The following MRPS24 variants were observed in gnomAD, a reference collection of about 807,000 sequenced individuals.
MRPS24 encodes the protein small ribosomal subunit protein uS3m.
MRPS24 carries 15 observed loss-of-function variants against 21.8 expected under a neutral mutation model. That is an observed-to-expected ratio of 0.69 (90% CI 0.46 to 1.06). MRPS24 has a LOEUF of 1.06. Ranked by LOEUF, MRPS24 falls within the 50% of genes least tolerant of loss-of-function variation. MRPS24 has a pLI of 0.00. For missense variants in MRPS24, 224 were observed against 219.1 expected (o/e 1.02, Z -0.14); for synonymous variants, 93 against 93.7 (o/e 0.99, Z 0.04).
Position 43,869,441 on chromosome 7 carries a change from G to A in MRPS24, c.39+16C>T. On this transcript the variant is annotated intron_variant, in intron 1 of 3. Coordinates refer to ENST00000317534, the MANE Select transcript of MRPS24 (RefSeq NM_032014.3). This position sits in a 1 kb window ranked among gnomAD's most constrained non-coding sequence, Gnocchi z 4.8. ...CACCTCCGACTCGCAGGGACCTGCC[G>A]AGTCGCCCCACTCACCCGTGGCCCC... 6.4e-7 allele frequency: 1 copy of A among 1,558,522 alleles called. No individual in the cohort carries two copies. The highest frequency in any genetic ancestry group is 8.7e-7 in the Non-Finnish European group (1 of 1,152,068).
In MRPS24 at chr7:43,869,030, C is replaced by A; in HGVS notation, c.153G>T (p.Val51=). ...RVRVSKGDKP[V]TYEEAHAPHY... is the part of the protein sequence containing the mutation. ...GCGGCGCGTGTGCCTCCTCGTAGGT[C>A]ACCGGCTTGTCCCCCTTGCTTACGC... Residue 51 remains valine, a synonymous_variant, in exon 3 of 4, where the codon GTG becomes GTT. Transcript: ENST00000317534. This position sits in a 1 kb window ranked among gnomAD's most constrained non-coding sequence, Gnocchi z 4.8. The A allele has an allele frequency of 6.2e-7, 1 of 1,613,992 alleles. No individual in the cohort carries two copies. Among genetic ancestry groups the A allele is most frequent in the Non-Finnish European group, 8.5e-7 (1 of 1,180,024 alleles).
chr7:43,869,482 A>G lies in MRPS24; in HGVS notation c.14T>C (p.Val5Ala), dbSNP rs569584505. The G allele has an allele frequency of 1.3e-5, 20 of 1,570,048 alleles. No homozygotes were observed. Among genetic ancestry groups the G allele is most frequent in the Middle Eastern group, 3.4e-4 (2 of 5,912 alleles). MAAS[V>A]CSGLLGPRVL... ...CCGTGGCCCCAGCAACCCGCTGCAC[A>G]CGGAGGCCGCCATCTTGGGCCAAGC... The change falls in exon 1 of 4, where the codon GTG becomes GCG. Residue 5 changes from valine to alanine, a missense_variant. Coordinates refer to ENST00000317534, the MANE Select transcript of MRPS24 (RefSeq NM_032014.3). This position sits in a 1 kb window ranked among gnomAD's most constrained non-coding sequence, Gnocchi z 4.8.
chr7:43,869,313 C>A lies in MRPS24; in HGVS notation c.103G>T (p.Ala35Ser), dbSNP rs1390606258. Reference sequence around the variant, plus strand: ...CCTGCCCCGGCGGTGCTCACCTTGGCGCAGACCGGGGAGGTGTGCAGGGCG... The same window carrying A: ...CCTGCCCCGGCGGTGCTCACCTTGGAGCAGACCGGGGAGGTGTGCAGGGCG... ...WRALHTSPVC[A>S]KNRAARVRVS... Residue 35 changes from alanine (A) to serine (S), a missense_variant, in exon 2 of 4, where the codon GCC (alanine) becomes TCC (serine). Coordinates refer to ENST00000317534, the MANE Select transcript of MRPS24 (RefSeq NM_032014.3). The surrounding 1 kb of genome is among the most constrained non-coding windows in gnomAD (Gnocchi z 4.8). 6.5e-7 allele frequency: 1 copy of A among 1,528,106 alleles called. No homozygotes were observed. Among genetic ancestry groups the A allele is most frequent in the South Asian group, 1.2e-5 (1 of 83,824 alleles). The allele number at this position is 1,528,106 out of a possible 1,614,324, so 94.7% of individuals were successfully genotyped here.
intron 3 of MRPS24, chr7:43,867,520 CTTTTT>C (rs71011958): frequency 8.8e-5 from 3 of 34,134 alleles, no homozygotes; most frequent in Admixed American, 4.0e-4. Flanking sequence ...ATCTCTCTCT[CTTTTT>C]TTTTTTTTTT....
intron 3 of MRPS24, 156 bp downstream of exon 3, chr7:43,868,807 T>C (rs990596992): frequency 2.3e-5 from 23 of 982,974 alleles, no homozygotes; most frequent in Non-Finnish European, 3.2e-5. Context: ...CTGATCTATA[T>C]ATATCTCTGC....
rs1320320815 is a variant in MRPS24 at position 43,867,518 on chromosome 7, CTCTTTT to C, written c.221-542_221-537del. On this transcript the variant is annotated intron_variant, in intron 3 of 3. Transcript: ENST00000317534. ...AAGAGTGGGAGACAAGCATCTCTCT[CTCTTTT>C]TTTTTTTTTTTTTTTTTTTTTTTGA... 6.2e-4 allele frequency: 56 copies of C among 90,760 alleles called. 2 individuals carry two copies. Among genetic ancestry groups the C allele is most frequent in the African/African-American group, 2.0e-3 (47 of 23,970 alleles). The allele number at this position is 90,760 out of a possible 1,614,324, so 5.6% of individuals were successfully genotyped here.
In MRPS24 at chr7:43,869,335, G is replaced by T; in HGVS notation, c.81C>A (p.Ala27=). The T allele has an allele frequency of 6.5e-7, 1 of 1,547,898 alleles. No homozygotes were observed. The highest frequency in any genetic ancestry group is 8.7e-7 in the Non-Finnish European group (1 of 1,146,632). ...TGGCGCAGACCGGGGAGGTGTGCAG[G>T]GCGCGCCAAGCGCAAGGCAGCTCTC... ...WSRELPCAWR[A]LHTSPVCAKN... The change falls in exon 2 of 4, where the codon GCC becomes GCA. Residue 27 remains alanine (A), a synonymous_variant. Transcript: ENST00000317534. The surrounding 1 kb of genome is among the most constrained non-coding windows in gnomAD (Gnocchi z 4.8).
rs1008117864 is a variant in MRPS24 at position 43,869,459 on chromosome 7, G to A, written c.37C>T (p.Arg13Trp). The A allele has an allele frequency of 3.2e-6, 5 of 1,565,518 alleles. No individual in the cohort carries two copies. The highest frequency in any genetic ancestry group is 2.7e-5 in the African/African-American group (2 of 73,736). ...ASVCSGLLGP[R>W]VLSWSRELPC... ...ACCTGCCGAGTCGCCCCACTCACCC[G>A]TGGCCCCAGCAACCCGCTGCACACG... The change falls in exon 1 of 4, where the codon CGG becomes TGG. Residue 13 changes from arginine to tryptophan, a missense_variant and splice_region_variant. By Grantham distance (101) the Arg-to-Trp change is moderately radical. Coordinates refer to ENST00000317534, the MANE Select transcript of MRPS24 (RefSeq NM_032014.3). The surrounding 1 kb of genome is among the most constrained non-coding windows in gnomAD (Gnocchi z 4.8).
chr7:43,866,611 T>C lies in MRPS24; in HGVS notation c.*88A>G. The C allele has an allele frequency of 2.1e-6, 3 of 1,447,046 alleles. No individual in the cohort carries two copies. Among genetic ancestry groups the C allele is most frequent in the Non-Finnish European group, 2.9e-6 (3 of 1,048,236 alleles). 89.6% of individuals were successfully genotyped at this position (1,447,046 alleles called of 1,614,324 possible). A position where few individuals can be genotyped will look rare whatever the true frequency, so the allele number is the denominator to read the frequency against. On this transcript the variant is annotated 3_prime_UTR_variant, in exon 4 of 4. Coordinates refer to ENST00000317534, the MANE Select transcript of MRPS24 (RefSeq NM_032014.3). ...GATGAGAGACTATGCCTCAGTCCTC[T>C]GAGGGGATGCATTTCCCCCACATAC... is the stretch of plus-strand genomic sequence containing the variant.
rs2095838860 is a variant in MRPS24, at chr7:43,869,244, G to C, written c.108+64C>G. 1 of 1,485,108 alleles carries C rather than the reference G, an allele frequency of 6.7e-7. No individual in the cohort carries two copies. 92.0% of individuals were successfully genotyped at this position (1,485,108 alleles called of 1,614,324 possible). A position where few individuals can be genotyped will look rare whatever the true frequency, so the allele number is the denominator to read the frequency against. The stretch of plus-strand genomic sequence containing the variant: ...GCGACACGCCCCCTTCAGCCCGCAC[G>C]GCTTCCCCGGCCCCCGGCCCCCCGG... On this transcript the variant is annotated intron_variant, in intron 2 of 3. Transcript: ENST00000317534. This position sits in a 1 kb window ranked among gnomAD's most constrained non-coding sequence, Gnocchi z 4.8.
rs1563572059 is a variant in MRPS24 at position 43,868,996 on chromosome 7, C to CGATGTAGTG, written c.178_186dup (p.His60_Ile62dup). 1 of 1,614,022 alleles carries CGATGTAGTG rather than the reference C, an allele frequency of 6.2e-7. No individual in the cohort carries two copies. Among genetic ancestry groups the CGATGTAGTG allele is most frequent in the Non-Finnish European group, 8.5e-7 (1 of 1,180,008 alleles). ...AGCGACAGCCAGCCTTTACGGTGGGCGATGTAGTGCGGCGCGTGTGCCTCC... is the reference window on the plus strand; with the variant it reads ...AGCGACAGCCAGCCTTTACGGTGGGCGATGTAGTGGATGTAGTGCGGCGCGTGTGCCTCC... On this transcript the variant is annotated inframe_insertion, in exon 3 of 4. Transcript: ENST00000317534.
At position 43,869,289 on chromosome 7, in the gene MRPS24, C is replaced by T. The variant is rs1324325910; in HGVS notation, c.108+19G>A. On this transcript the variant is annotated intron_variant, in intron 2 of 3. Coordinates refer to ENST00000317534, the MANE Select transcript of MRPS24 (RefSeq NM_032014.3). The surrounding 1 kb of genome is among the most constrained non-coding windows in gnomAD (Gnocchi z 4.8). Reference sequence around the variant, plus strand: ...CCCCGGCCCCCAGGCCCCCAGGCCCCTGCCCCGGCGGTGCTCACCTTGGCG... The same window carrying T: ...CCCCGGCCCCCAGGCCCCCAGGCCCTTGCCCCGGCGGTGCTCACCTTGGCG... The T allele has an allele frequency of 9.1e-6, 14 of 1,533,790 alleles. No homozygotes were observed. Among genetic ancestry groups the T allele is most frequent in the South Asian group, 2.4e-5 (2 of 83,440 alleles).
chr7:43,869,066 C>G lies in MRPS24; in HGVS notation c.117G>C (p.Ala39=). 6.2e-7 allele frequency: 1 copy of G among 1,612,464 alleles called. No homozygotes were observed. The highest frequency in any genetic ancestry group is 8.5e-7 in the Non-Finnish European group (1 of 1,179,956). The change falls in exon 3 of 4, where the codon GCG becomes GCC. Residue 39 remains alanine (A), a synonymous_variant. Transcript: ENST00000317534. This position sits in a 1 kb window ranked among gnomAD's most constrained non-coding sequence, Gnocchi z 4.8. ...CCCCCTTGCTTACGCGTACTCGGGC[C>G]GCCCGGTTCTAGGAGCAAAAGGGGC... The part of the protein sequence containing the change: ...HTSPVCAKNR[A]ARVRVSKGDK...
Position 43,866,913 on chromosome 7 carries a change from C to T in MRPS24, c.290G>A (p.Trp97Ter). The T allele has an allele frequency of 6.2e-7, 1 of 1,614,200 alleles. No individual in the cohort carries two copies. The highest frequency in any genetic ancestry group is 8.5e-7 in the Non-Finnish European group (1 of 1,180,016). Reference protein sequence around the residue: ...VEDVFLRKFMWGTFPGCLADQ... With the variant: ...VEDVFLRKFM The stretch of plus-strand genomic sequence containing the variant: ...AGCCAGGCAGCCTGGGAAGGTACCC[C>T]ACATGAACTTGCGAAGGAAAACATC... The change falls in exon 4 of 4, where the codon TGG becomes TAG. Residue 97 changes from tryptophan (W) to a stop codon, truncating the protein, a stop_gained. Coordinates refer to ENST00000317534, the MANE Select transcript of MRPS24 (RefSeq NM_032014.3). LOFTEE classifies it high-confidence loss of function.
rs1310945452 is a variant in MRPS24 at position 43,869,355 on chromosome 7, G to C, written c.61C>G (p.Leu21Val). Residue 21 changes from leucine to valine, a missense_variant, in exon 2 of 4, where the codon CTG becomes GTG. By Grantham distance (32) the Leu-to-Val change is conservative. Transcript: ENST00000317534. This position sits in a 1 kb window ranked among gnomAD's most constrained non-coding sequence, Gnocchi z 4.8. The part of the protein sequence containing the change: ...GPRVLSWSRE[L>V]PCAWRALHTS... The stretch of plus-strand genomic sequence containing the variant: ...TGCAGGGCGCGCCAAGCGCAAGGCA[G>C]CTCTCGGCTCCAGGACAGCACCTGT... The C allele has an allele frequency of 6.5e-7, 1 of 1,549,220 alleles. No homozygotes were observed. The highest frequency in any genetic ancestry group is 2.0e-5 in the Admixed American group (1 of 51,000).
At position 43,866,984 on chromosome 7, in the gene MRPS24, TGAAGAGG is replaced by T; in HGVS notation, c.221-9_221-3del. On this transcript the variant is annotated splice_region_variant and splice_polypyrimidine_tract_variant and intron_variant, in intron 3 of 3. Transcript: ENST00000317534. ...CATGGTCCTCTCCATCCAGGTTACC[TGAAGAGG>T]GAAGGGCATAATAGAAGAATCAGCC... 6.2e-7 allele frequency: 1 copy of T among 1,613,788 alleles called. No homozygotes were observed. The highest frequency in any genetic ancestry group is 8.5e-7 in the Non-Finnish European group (1 of 1,179,788).
Position 43,869,291 on chromosome 7 carries a change from G to A in MRPS24, c.108+17C>T. 1 of 1,499,338 alleles carries A rather than the reference G, an allele frequency of 6.7e-7. No homozygotes were observed. The highest frequency in any genetic ancestry group is 1.4e-5 in the African/African-American group (1 of 70,292). 92.9% of individuals were successfully genotyped at this position (1,499,338 alleles called of 1,614,324 possible). A position where few individuals can be genotyped will look rare whatever the true frequency, so the allele number is the denominator to read the frequency against. On this transcript the variant is annotated intron_variant, in intron 2 of 3. Coordinates refer to ENST00000317534, the MANE Select transcript of MRPS24 (RefSeq NM_032014.3). This position sits in a 1 kb window ranked among gnomAD's most constrained non-coding sequence, Gnocchi z 4.8. Reference sequence around the variant, plus strand: ...CCGGCCCCCAGGCCCCCAGGCCCCTGCCCCGGCGGTGCTCACCTTGGCGCA... The same window carrying A: ...CCGGCCCCCAGGCCCCCAGGCCCCTACCCCGGCGGTGCTCACCTTGGCGCA...
chr7:43,869,312 G>A lies in MRPS24; in HGVS notation c.104C>T (p.Ala35Val), dbSNP rs1190735148. ...WRALHTSPVC[A>V]KNRAARVRVS... The stretch of plus-strand genomic sequence containing the variant: ...CCCTGCCCCGGCGGTGCTCACCTTG[G>A]CGCAGACCGGGGAGGTGTGCAGGGC... The change falls in exon 2 of 4, where the codon GCC becomes GTC. Residue 35 changes from alanine to valine, a missense_variant. Physicochemically the swap from Ala to Val is moderately conservative, Grantham distance 64 (BLOSUM62 0). Transcript: ENST00000317534. The surrounding 1 kb of genome is among the most constrained non-coding windows in gnomAD (Gnocchi z 4.8). 2 of 1,543,330 alleles carry A rather than the reference G, an allele frequency of 1.3e-6. No homozygotes were observed. The highest frequency in any genetic ancestry group is 2.0e-5 in the Admixed American group (1 of 50,958).
At position 43,869,269 on chromosome 7, in the gene MRPS24, G is replaced by GC; in HGVS notation, c.108+38dup. ...GGCTTCCCCGGCCCCCGGCCCCCCG[G>GC]CCCCCAGGCCCCCAGGCCCCTGCCC... On this transcript the variant is annotated intron_variant, in intron 2 of 3. Coordinates refer to ENST00000317534, the MANE Select transcript of MRPS24 (RefSeq NM_032014.3). This position sits in a 1 kb window ranked among gnomAD's most constrained non-coding sequence, Gnocchi z 4.8. The GC allele has an allele frequency of 2.7e-6, 4 of 1,463,360 alleles. No individual in the cohort carries two copies. The highest frequency in any genetic ancestry group is 1.4e-5 in the African/African-American group (1 of 70,486). 90.6% of individuals were successfully genotyped at this position (1,463,360 alleles called of 1,614,324 possible). A position where few individuals can be genotyped will look rare whatever the true frequency, so the allele number is the denominator to read the frequency against.
Sources: gnomAD v4.1 joint callset for allele counts on GRCh38, gnomAD v4.1.1 for gene constraint, Gnocchi (gnomAD v3.1) non-coding constraint, MANE v1.5 for transcripts, NCBI Gene and HGNC (gene_info 2026-07-23, HGNC 2026-07-21) for gene names.